DMD: variants seen among roughly 807,000 people sequenced by gnomAD.
The protein encoded by DMD is mutant dystrophin.
DMD carries 63 observed loss-of-function variants against 330.1 expected under a neutral mutation model. The ratio of observed to expected loss-of-function variants is 0.19; its 90% confidence interval spans 0.16 to 0.24. The LOEUF is 0.24. Among genes scored for constraint, DMD ranks in the 10% least tolerant of loss-of-function variants. DMD has a pLI of 1.00. For missense variants in DMD, 3,344 were observed against 2,684.1 expected (o/e 1.25, Z -5.43); for synonymous variants, 1,223 against 959.8 (o/e 1.27, Z -5.07).
intron 1 of DMD, among the ~76,000 whole-genome samples, chrX:33,070,843 G>T (rs1340190802): frequency 1.4e-4 from 15 of 107,786 alleles, no homozygotes; most frequent in African/African-American, 5.0e-4. Context: ...GGAATGAAAT[G>T]GTGAAAGCAA....
chrX:32,502,965 T>C (rs2044211702), intron 18 of DMD, among the ~76,000 whole-genome samples: 1 of 111,327 alleles, frequency 9.0e-6, no homozygotes, highest in South Asian at 3.8e-4. Flanking sequence ...TGAAAGGTGG[T>C]CAGCATGACT....
intron 33 of DMD, among the ~76,000 whole-genome samples, chrX:32,382,290 C>G (rs998569076): frequency 9.0e-6 from 1 of 111,281 alleles, no homozygotes; most frequent in Non-Finnish European, 1.9e-5. Context: ...ACCACAAGTG[C>G]GTTATTTGTG....
intron 2 of DMD, among the ~76,000 whole-genome samples, chrX:32,922,224 C>A (rs1208118022): frequency 9.2e-6 from 1 of 108,302 alleles, no homozygotes; most frequent in Non-Finnish European, 1.9e-5. Context: ...TTGTCCCTTT[C>A]AAGTATGAAA....
chrX:32,361,341 C>A (rs2097833512), intron 37 of DMD, among the ~76,000 whole-genome samples: 1 of 111,420 alleles, frequency 9.0e-6, no homozygotes, highest in Non-Finnish European at 1.9e-5. Flanking sequence ...GTAATAATGA[C>A]TGACTCAAAT....
At chrX:32,336,532 T>C (rs1025976495) in intron 41 of DMD, among the ~76,000 whole-genome samples, 1 of 111,977 alleles carries the variant, frequency 8.9e-6, no homozygotes, top group African/African-American at 3.2e-5. Context: ...ACTTTTATGT[T>C]CCAGAAGCTG....
chrX:32,805,271 G>A (rs2076869303), intron 7 of DMD, among the ~76,000 whole-genome samples: 1 of 111,741 alleles, frequency 8.9e-6, no homozygotes, highest in Non-Finnish European at 1.9e-5. Flanking sequence ...AACAATAAAT[G>A]ACCTGATGGA....
At chrX:32,161,362 C>A (rs2096848771) in intron 44 of DMD, among the ~76,000 whole-genome samples, 1 of 111,480 alleles carries the variant, frequency 9.0e-6, no homozygotes, top group South Asian at 3.7e-4. Context: ...CCCTGGACAT[C>A]TGGCAGATTC....
At chrX:32,155,496 A>G in intron 44 of DMD, 1 of 697,186 alleles carries the variant, frequency 1.4e-6, no homozygotes, top group African/African-American at 2.4e-5. Flanking sequence ...TGGGATGCTG[A>G]ATGGCACATC....
At chrX:32,823,935 T>C (rs1411920003) in intron 4 of DMD, among the ~76,000 whole-genome samples, 1 of 111,736 alleles carries the variant, frequency 8.9e-6, no homozygotes, top group Non-Finnish European at 1.9e-5. Flanking sequence ...TCTCCTGTCC[T>C]TCACACTCCT....
At chrX:32,278,872 G>C (rs1276607172) in intron 43 of DMD, among the ~76,000 whole-genome samples, 1 of 111,761 alleles carries the variant, frequency 8.9e-6, no homozygotes, top group Non-Finnish European at 1.9e-5. Flanking sequence ...AAAGTGAAGA[G>C]ACAACCAACA....
At chrX:31,531,835 A>T (rs1254588582) in intron 55 of DMD, among the ~76,000 whole-genome samples, 2 of 101,274 alleles carry the variant, frequency 2.0e-5, no homozygotes, top group African/African-American at 7.3e-5. Flanking sequence ...CTACGTGAAG[A>T]ATGCAGAAGC....
intron 1 of DMD, among the ~76,000 whole-genome samples, chrX:33,290,039 G>C (rs1291440393): frequency 9.0e-6 from 1 of 111,251 alleles, no homozygotes; most frequent in Non-Finnish European, 1.9e-5. Flanking sequence ...CCCCAAATGT[G>C]CTCCTCCTTA....
chrX:31,774,718 A>C (rs2090553161), intron 50 of DMD, among the ~76,000 whole-genome samples: 1 of 112,011 alleles, frequency 8.9e-6, no homozygotes, highest in Non-Finnish European at 1.9e-5. Flanking sequence ...TTCTTGTCTT[A>C]GCTCTGTATT....
rs576582209 is a variant in DMD, at chrX:32,481,134, G to A, written c.2803+3785C>T. Among the ~76,000 whole-genome samples, 13 of 110,278 alleles carry A rather than the reference G, an allele frequency of 1.2e-4. No homozygotes were observed. In the South Asian group the frequency reaches 2.7e-3, roughly 23 times the overall value. ...GAGCTTGAAATTGTGGCCATGGAGA[G>A]CATCCTTGCTGGCTACCCTTAAAAT... On this transcript the variant is annotated intron_variant, in intron 21 of 78. Transcript: ENST00000357033.
intron 2 of DMD, among the ~76,000 whole-genome samples, chrX:32,875,253 G>T (rs1044225569): frequency 7.2e-5 from 8 of 111,233 alleles, no homozygotes; most frequent in African/African-American, 2.6e-4. Flanking sequence ...TATTGCCTAT[G>T]TTTCTATTTA....
At chrX:31,247,932 G>T (rs1002659922) in intron 63 of DMD, among the ~76,000 whole-genome samples, 7 of 111,676 alleles carry the variant, frequency 6.3e-5, no homozygotes, top group Admixed American at 3.8e-4. Flanking sequence ...ATTCTACAGA[G>T]AAATCTTTCA....
chrX:32,599,329 C>A (rs1464652145), intron 12 of DMD, among the ~76,000 whole-genome samples: 1 of 111,524 alleles, frequency 9.0e-6, no homozygotes, highest in Non-Finnish European at 1.9e-5. Context: ...TTAAAAAGTT[C>A]AATTGTTCTG....
intron 43 of DMD, among the ~76,000 whole-genome samples, chrX:32,241,906 T>C (rs1316554176): frequency 1.7e-4 from 19 of 111,086 alleles, no homozygotes; most frequent in Non-Finnish European, 1.9e-4. Context: ...ATATACCCAA[T>C]AGAGGGACCA....
chrX:31,838,281 A>C (rs1053828207), intron 48 of DMD, among the ~76,000 whole-genome samples: 7 of 112,155 alleles, frequency 6.2e-5, no homozygotes, highest in Admixed American at 9.5e-5. Context: ...AAGAGAAAAT[A>C]AAATATATTA....
Sources: allele counts gnomAD v4.1 joint callset (sites outside exome capture counted in the v4.1 genomes callset), GRCh38; gene constraint gnomAD v4.1.1; transcripts MANE v1.5; gene names NCBI Gene and HGNC (gene_info 2026-07-23, HGNC 2026-07-21).